The following CCNB3 variants were observed in gnomAD, a reference collection of about 807,000 sequenced individuals.
The protein encoded by CCNB3 is cyclin B3.
CCNB3 carries 12 observed loss-of-function variants against 68.0 expected under a neutral mutation model. The ratio of observed to expected loss-of-function variants is 0.18; its 90% CI spans 0.11 to 0.29. The LOEUF is 0.29. Ranked by LOEUF, CCNB3 falls within the 10% of genes least tolerant of loss-of-function variation. The probability of loss-of-function intolerance (pLI) is 1.00; values close to 1 mark genes in which losing one functional copy is unlikely to be tolerated. For missense variants in CCNB3, 904 were observed against 993.1 expected (o/e 0.91, Z 1.21); for synonymous variants, 354 against 388.9 (o/e 0.91, Z 1.06).
intron 1 of CCNB3, among the ~76,000 whole-genome samples, chrX:50,208,940 A>G (rs73213605): frequency 1.8e-5 from 2 of 111,903 alleles, no homozygotes; most frequent in African/African-American, 3.3e-5. Context: ...TTCAAATGAT[A>G]TATTTCCTAT....
chrX:50,306,081 C>T (rs1921059351), intron 5 of CCNB3, among the ~76,000 whole-genome samples: 1 of 109,078 alleles, frequency 9.2e-6, no homozygotes, highest in African/African-American at 3.3e-5. Flanking sequence ...CTACTGTGCC[C>T]AGCCTGACAT....
At position 50,351,690 on chromosome X, in the gene CCNB3, G is replaced by A. The variant is rs1923690078; in HGVS notation, c.4175G>A (p.Gly1392Asp). The A allele has an allele frequency of 8.3e-7, 1 of 1,206,653 alleles. No individual in the cohort carries two copies. The highest frequency in any genetic ancestry group is 3.0e-5 in the East Asian group (1 of 33,796). Residue 1392 changes from glycine to aspartate, a missense_variant, in exon 13 of 13, where the codon GGC becomes GAC. Transcript: ENST00000376042. ...TTGAACTGTGATTGTGAGGCTCAGG[G>A]CCTGGTACTCTAGCAGCAGCCACAG... ...EILNCDCEAQGLVL is the reference protein window; with the variant it reads ...EILNCDCEAQDLVL
At position 50,308,876 on chromosome X, in the gene CCNB3, G is replaced by C. The variant is rs1921230831; in HGVS notation, c.707G>C (p.Cys236Ser). The C allele has an allele frequency of 8.3e-7, 1 of 1,211,143 alleles. No individual in the cohort carries two copies. Among genetic ancestry groups the C allele is most frequent in the Non-Finnish European group, 1.1e-6 (1 of 895,299 alleles). Reference sequence around the variant, plus strand: ...ACATTATCCTTAAAGAAGAAGATGTGTGCAAGTCAGCGGAAGCAGTCCTGC... The same window carrying C: ...ACATTATCCTTAAAGAAGAAGATGTCTGCAAGTCAGCGGAAGCAGTCCTGC... Reference protein sequence around the residue: ...KKTLSLKKKMCASQRKQSCQE... With the variant: ...KKTLSLKKKMSASQRKQSCQE... Residue 236 changes from cysteine (C) to serine (S), a missense_variant, in exon 6 of 13, where the codon TGT (cysteine) becomes TCT (serine). Transcript: ENST00000376042.
intron 1 of CCNB3, among the ~76,000 whole-genome samples, chrX:50,215,547 C>A (rs1374174581): frequency 9.1e-6 from 1 of 109,389 alleles, no homozygotes; most frequent in Non-Finnish European, 1.9e-5. Context: ...TATACCCTTG[C>A]TGATTTTTTA....
In CCNB3 at chrX:50,285,083, G is replaced by A. The variant is rs762892985; in HGVS notation, c.-37-44G>A. The A allele has an allele frequency of 2.1e-4, 150 of 711,937 alleles. No homozygotes were observed. In the African/African-American group the frequency reaches 2.2e-3, roughly 10 times the overall value. The allele number at this position is 711,937 out of a possible 1,213,427, so 58.7% of individuals were successfully genotyped here. On this transcript the variant is annotated intron_variant, in intron 2 of 12. Transcript: ENST00000376042. Reference sequence around the variant, plus strand: ...CTCAAGAATTTTCAGAGAATTTATCGTGTTTCTGGTGAATGGTGTTAAAGA... The same window carrying A: ...CTCAAGAATTTTCAGAGAATTTATCATGTTTCTGGTGAATGGTGTTAAAGA...
chrX:50,296,205 T>C (rs1381128045), intron 5 of CCNB3, among the ~76,000 whole-genome samples: 1 of 106,217 alleles, frequency 9.4e-6, no homozygotes, highest in Non-Finnish European at 1.9e-5. Flanking sequence ...TATGTACACA[T>C]GTGCCATGTT....
At chrX:50,336,416 T>G (rs1221979612) in intron 8 of CCNB3, among the ~76,000 whole-genome samples, 1 of 111,980 alleles carries the variant, frequency 8.9e-6, no homozygotes, top group African/African-American at 3.3e-5. Context: ...CTCTGGGGCT[T>G]GTTGCATCTC....
intron 1 of CCNB3, among the ~76,000 whole-genome samples, chrX:50,228,612 T>C (rs1359267270): frequency 1.2e-5 from 1 of 85,250 alleles, no homozygotes; most frequent in Non-Finnish European, 2.2e-5. Context: ...ATATAGAATA[T>C]ATAGAATATA....
At chrX:50,313,083 T>C (rs981960410) in intron 7 of CCNB3, among the ~76,000 whole-genome samples, 3 of 111,439 alleles carry the variant, frequency 2.7e-5, no homozygotes, top group Non-Finnish European at 3.8e-5. Flanking sequence ...ATCGTATTCT[T>C]TGTTTCATCT....
At chrX:50,345,333 TC>T (rs1923348420) in intron 9 of CCNB3, among the ~76,000 whole-genome samples, 1 of 105,318 alleles carries the variant, frequency 9.5e-6, no homozygotes, top group Non-Finnish European at 2.0e-5. Flanking sequence ...GCTCCCTCTT[TC>T]CTTCCCTCCT....
intron 5 of CCNB3, among the ~76,000 whole-genome samples, chrX:50,305,297 T>C (rs1242689304): frequency 8.9e-5 from 10 of 111,845 alleles, no homozygotes; most frequent in Admixed American, 1.9e-4. Flanking sequence ...AAATGTGGCA[T>C]ATATACACCA....
chrX:50,218,565 AATG>A (rs1323315690), intron 1 of CCNB3, among the ~76,000 whole-genome samples: 1 of 111,440 alleles, frequency 9.0e-6, no homozygotes, highest in Non-Finnish European at 1.9e-5. Context: ...GTTTGCCTAG[AATG>A]ATGGTTTCCA....
intron 9 of CCNB3, among the ~76,000 whole-genome samples, chrX:50,343,674 C>A (rs1375186682): frequency 9.0e-6 from 1 of 111,586 alleles, no homozygotes; most frequent in Non-Finnish European, 1.9e-5. Context: ...CCACTGTATT[C>A]CAGTCTGGGT....
chrX:50,320,083 T>C (rs998872557), intron 8 of CCNB3, among the ~76,000 whole-genome samples: 11 of 111,132 alleles, frequency 9.9e-5, no homozygotes, highest in Admixed American at 9.7e-4. Flanking sequence ...AGTGTTCTGA[T>C]TGGGTTTTTT....
At position 50,227,034 on chromosome X, in the gene CCNB3, T is replaced by C. The variant is rs1372052753; in HGVS notation, c.-113+22084T>C. Among the ~76,000 whole-genome samples the C allele has an allele frequency of 6.4e-5, 5 of 78,269 alleles. No homozygotes were observed. The South Asian group carries it at 2.4e-3, about 37-fold the overall frequency. The allele number at this position is 78,269 out of a possible 115,157, so 68.0% of individuals were successfully genotyped here. On this transcript the variant is annotated intron_variant, in intron 1 of 12. Coordinates refer to ENST00000376042, the MANE Select transcript of CCNB3 (RefSeq NM_033031.3). ...AATATATAAAATATATATACAAATA[T>C]ATAGAATATATACAAATATATAGAA...
At chrX:50,337,834 T>C (rs1367164404) in intron 8 of CCNB3, among the ~76,000 whole-genome samples, 3 of 111,091 alleles carry the variant, frequency 2.7e-5, no homozygotes, top group Non-Finnish European at 5.7e-5. Context: ...AAAATCAGAG[T>C]ATCAAGAAAT....
rs781893398 is a variant in CCNB3, at chrX:50,351,371, C to G, written c.4091C>G (p.Pro1364Arg). ...LKAVYYKYSH[P>R]VFFEVAKIPA... ...GCTGTGTATTACAAGTATTCTCACC[C>G]GTAAGTACTAAGCCCCGGATGAGGT... Residue 1364 changes from proline (P) to arginine (R), a missense_variant and splice_region_variant, in exon 12 of 13, where the codon CCG becomes CGG. This residue lies in a region of CCNB3 where 285 missense variants were observed against 383.4 expected (regional missense o/e 0.74). Transcript: ENST00000376042. 8.3e-7 allele frequency: 1 copy of G among 1,210,548 alleles called. No individual in the cohort carries two copies. Among genetic ancestry groups the G allele is most frequent in the Non-Finnish European group, 1.1e-6 (1 of 894,959 alleles).
At chrX:50,279,940 A>G (rs1403527608) in intron 1 of CCNB3, among the ~76,000 whole-genome samples, 1 of 87,186 alleles carries the variant, frequency 1.1e-5, no homozygotes, top group African/African-American at 4.5e-5. Context: ...ATATGTATTT[A>G]TAATATATAT....
chrX:50,345,548 C>G (rs1020388088), intron 9 of CCNB3, among the ~76,000 whole-genome samples: 9 of 110,491 alleles, frequency 8.1e-5, no homozygotes, highest in Non-Finnish European at 1.5e-4. Context: ...TCTTCCTTGC[C>G]CACTCTCTCC....
Sources: allele counts gnomAD v4.1 joint callset (sites outside exome capture counted in the v4.1 genomes callset), GRCh38; gene constraint gnomAD v4.1.1; regional missense constraint gnomAD v4.1.1; transcripts MANE v1.5; gene names NCBI Gene and HGNC (gene_info 2026-07-23, HGNC 2026-07-21).